Variants in AKR1B15 observed in about 807,000 individuals in gnomAD.
The protein encoded by AKR1B15 is estradiol 17-beta-dehydrogenase AKR1B15.
A neutral mutation model predicts 38.5 loss-of-function variants in AKR1B15; 49 were observed. The ratio of observed to expected loss-of-function variants is 1.27; its 90% CI spans 1.01 to 1.62. The LOEUF (loss-of-function observed/expected upper bound fraction) is 1.62. Ranked by LOEUF, AKR1B15 falls within the 40% of genes most tolerant of loss-of-function variation. The pLI is 0.00. For missense variants in AKR1B15, 411 were observed against 381.6 expected, an observed-to-expected ratio of 1.08 and a Z score of -0.64; for synonymous variants, 137 against 135.5, an observed-to-expected ratio of 1.01 and a Z score of -0.08.
Position 134,563,908 on chromosome 7 carries a change from A to G in AKR1B15, c.-22-690A>G, listed in dbSNP as rs192203228. 2.0e-5 allele frequency among the ~76,000 whole-genome samples: 3 copies of G among 152,308 alleles called. No homozygotes were observed. The East Asian group carries it at 5.8e-4, about 29-fold the overall frequency. On this transcript the variant is annotated intron_variant, in intron 2 of 11. Transcript: ENST00000457545. Reference sequence around the variant, plus strand: ...AGGAGTATGGGAAAATGAAAACGACAAACTCACACACCTTTTTAACATACA... The same window carrying G: ...AGGAGTATGGGAAAATGAAAACGACGAACTCACACACCTTTTTAACATACA...
rs896409001 is a variant in AKR1B15 at position 134,575,924 on chromosome 7, C to G, written c.740C>G (p.Pro247Arg). 6.2e-7 allele frequency: 1 copy of G among 1,612,240 alleles called. No individual in the cohort carries two copies. Among genetic ancestry groups the G allele is most frequent in the Non-Finnish European group, 8.5e-7 (1 of 1,179,466 alleles). The change falls in exon 8 of 12, where the codon CCT becomes CGT. Residue 247 changes from proline (P) to arginine (R), a missense_variant. By Grantham distance (103) the Pro-to-Arg change is moderately radical. Transcript: ENST00000457545. ...AGCCCCCTGGGCTCTCCGGATAGAC[C>G]TTGGTGAGGCTTCCAAGTGGTGGGT... ...AYSPLGSPDR[P>R]WAKPEDPSLL...
At chr7:134,562,867 T>TTCC in intron 2 of AKR1B15, among the ~76,000 whole-genome samples, 1 of 142,954 alleles carries the variant, frequency 7.0e-6, no homozygotes, top group South Asian at 2.2e-4. Context: ...TCTTTCTTTC[T>TTCC]TTCTTTCTTT....
At chr7:134,576,459 C>T (rs1248191468) in intron 9 of AKR1B15, 29 bp downstream of exon 9, 7 of 1,608,684 alleles carry the variant, frequency 4.4e-6, no homozygotes, top group Non-Finnish European at 6.0e-6. Context: ...TCTTGTTATC[C>T]AACCACTCAT....
intron 3 of AKR1B15, among the ~76,000 whole-genome samples, chr7:134,567,938 G>A (rs892921976): frequency 5.3e-5 from 8 of 152,138 alleles, no homozygotes; most frequent in Non-Finnish European, 7.3e-5. Context: ...GAAGACCCCA[G>A]CGAAGCCTTG....
intron 1 of AKR1B15, among the ~76,000 whole-genome samples, chr7:134,554,905 A>T (rs1166583974): frequency 6.6e-6 from 1 of 152,148 alleles, no homozygotes; most frequent in Non-Finnish European, 1.5e-5. Flanking sequence ...TTCAATGGAA[A>T]CTCCATTGTG....
chr7:134,569,080 C>G (rs141708706), intron 4 of AKR1B15, among the ~76,000 whole-genome samples: 1 of 152,332 alleles, frequency 6.6e-6, no homozygotes, highest in South Asian at 2.1e-4. Context: ...AAAAGCTACA[C>G]GCAATTCCTG....
Position 134,576,943 on chromosome 7 carries a change from G to C in AKR1B15, c.826-20G>C. ...GGTCCTTGTAGCTGAGTGGAAACAT[G>C]ATGTCCCCTTTCTGCACAGGTTCTG... On this transcript the variant is annotated intron_variant, in intron 9 of 11. Transcript: ENST00000457545. 6.2e-7 allele frequency: 1 copy of C among 1,605,536 alleles called. No homozygotes were observed. Among genetic ancestry groups the C allele is most frequent in the Non-Finnish European group, 8.5e-7 (1 of 1,172,294 alleles).
At chr7:134,568,009 T>C (rs1794579022) in intron 3 of AKR1B15, 149 bp from the exon 4 acceptor site, 4 of 926,488 alleles carry the variant, frequency 4.3e-6, no homozygotes, top group South Asian at 1.6e-5. Flanking sequence ...GAGAATATGG[T>C]GGTTGCTGAG....
intron 1 of AKR1B15, among the ~76,000 whole-genome samples, chr7:134,552,448 C>A (rs10267534): frequency 6.6e-6 from 1 of 152,102 alleles, no homozygotes; most frequent in Non-Finnish European, 1.5e-5. Context: ...ACCACCCTGC[C>A]GGTCCAGGTC....
At chr7:134,563,634 C>T (rs1331900476) in intron 2 of AKR1B15, among the ~76,000 whole-genome samples, 1 of 152,288 alleles carries the variant, frequency 6.6e-6, no homozygotes, top group East Asian at 1.9e-4. Flanking sequence ...TTCTCTTTAG[C>T]TAGCAGATTG....
Position 134,575,864 on chromosome 7 carries a change from A to G in AKR1B15, c.680A>G (p.Tyr227Cys), listed in dbSNP as rs1233855467. 1 of 1,613,852 alleles carries G rather than the reference A, an allele frequency of 6.2e-7. No homozygotes were observed. The highest frequency in any genetic ancestry group is 2.2e-5 in the East Asian group (1 of 44,844). ...PYLTQEKLIQ[Y>C]CHSKGITVTA... ...CTCACGCAGGAGAAACTGATCCAGT[A>G]CTGCCACTCCAAGGGCATCACCGTT... The change falls in exon 8 of 12, where the codon TAC becomes TGC. Residue 227 changes from tyrosine (Y) to cysteine (C), a missense_variant. Tyr to Cys is a radical substitution (Grantham distance 194, BLOSUM62 -2). This residue lies in a region of AKR1B15 where 24 missense variants were observed against 48.9 expected (regional missense o/e 0.49). Coordinates refer to ENST00000457545, the MANE Select transcript of AKR1B15 (RefSeq NM_001080538.3).
chr7:134,560,733 A>C (rs1348709468), intron 2 of AKR1B15, among the ~76,000 whole-genome samples: 8 of 152,230 alleles, frequency 5.3e-5, no homozygotes, highest in African/African-American at 1.7e-4. Flanking sequence ...CCATGAAAAG[A>C]GGGTTCTAAT....
Position 134,579,650 on chromosome 7 carries a change from A to G in AKR1B15, c.*101A>G, listed in dbSNP as rs1794841533. 1 of 1,121,172 alleles carries G rather than the reference A, an allele frequency of 8.9e-7. No homozygotes were observed. Among genetic ancestry groups the G allele is most frequent in the Non-Finnish European group, 1.3e-6 (1 of 791,724 alleles). 69.5% of individuals were successfully genotyped at this position (1,121,172 alleles called of 1,614,324 possible). ...ATTTTAGCCAAGCTTATCTGAGATC[A>G]CAGTGAACTTTGTCCTGTTGTAGAC... On this transcript the variant is annotated 3_prime_UTR_variant, in exon 12 of 12. Transcript: ENST00000457545.
At chr7:134,572,150 C>CAT (rs1278844573) in intron 6 of AKR1B15, among the ~76,000 whole-genome samples, 5 of 152,104 alleles carry the variant, frequency 3.3e-5, no homozygotes, top group Non-Finnish European at 5.9e-5. Context: ...TCATAAAGCC[C>CAT]ATGTAATCAT....
intron 5 of AKR1B15, 48 bp downstream of exon 5, chr7:134,569,577 G>A: frequency 6.3e-7 from 1 of 1,598,182 alleles, no homozygotes; most frequent in Non-Finnish European, 8.6e-7. Flanking sequence ...GCTGTTGCAG[G>A]AATTCAGGGA....
At chr7:134,552,306 T>C (rs150017613) in intron 1 of AKR1B15, among the ~76,000 whole-genome samples, 2 of 152,176 alleles carry the variant, frequency 1.3e-5, no homozygotes, top group East Asian at 3.9e-4. Flanking sequence ...CAGAGGAATA[T>C]CTCTTAGTTT....
chr7:134,550,613 T>G (rs1259271553), intron 1 of AKR1B15, among the ~76,000 whole-genome samples: 1 of 152,202 alleles, frequency 6.6e-6, no homozygotes, highest in African/African-American at 2.4e-5. Context: ...CTATAATACT[T>G]CTGTTCTTCT....
At chr7:134,558,559 G>T in intron 2 of AKR1B15, among the ~76,000 whole-genome samples, 1 of 152,206 alleles carries the variant, frequency 6.6e-6, no homozygotes, top group East Asian at 1.9e-4. Context: ...ATCCTCCACA[G>T]GAAGAGTAGA....
intron 1 of AKR1B15, among the ~76,000 whole-genome samples, chr7:134,552,452 C>T (rs1794019867): frequency 6.6e-6 from 1 of 152,166 alleles, no homozygotes; most frequent in African/African-American, 2.4e-5. Flanking sequence ...CCCTGCCGGT[C>T]CAGGTCAAAC....
Sources: allele counts gnomAD v4.1 joint callset (sites outside exome capture counted in the v4.1 genomes callset), GRCh38; gene constraint gnomAD v4.1.1; regional missense constraint gnomAD v4.1.1; transcripts MANE v1.5; gene names NCBI Gene and HGNC (gene_info 2026-07-23, HGNC 2026-07-21).